SUPT16H: variants seen among roughly 807,000 people sequenced by gnomAD.
The protein encoded by SUPT16H is SPT16 homolog, facilitates chromatin remodeling subunit, also known as FACT complex subunit SPT16.
SUPT16H carries 24 observed loss-of-function variants against 136.2 expected under a neutral mutation model. The observed-to-expected ratio is 0.18, with a 90% CI of 0.13 to 0.25. The LOEUF (loss-of-function observed/expected upper bound fraction) is 0.25, where lower values mean the gene tolerates loss of function less well. SUPT16H is among the 10% of genes least tolerant of loss of function. The pLI, the probability that SUPT16H is intolerant of heterozygous loss-of-function variation, is 1.00. For missense variants in SUPT16H, 623 were observed against 1,270.2 expected (o/e 0.49, Z 7.74); for synonymous variants, 415 against 428.2 (o/e 0.97, Z 0.38).
At chr14:21,372,796 A>G (rs1025540231) in intron 2 of SUPT16H, 1 of 377,116 alleles carries the variant, frequency 2.7e-6, no homozygotes, top group African/African-American at 2.1e-5. Context: ...ATCCATACTG[A>G]TATTAATACT....
At position 21,358,356 on chromosome 14, in the gene SUPT16H, A is replaced by G; in HGVS notation, c.2373T>C (p.Thr791=). Residue 791 remains threonine, a synonymous_variant, in exon 20 of 26, where the codon ACT becomes ACC. Coordinates refer to ENST00000216297, the MANE Select transcript of SUPT16H (RefSeq NM_007192.4). ...KNFIEKVEAL[T]KEELEFEVPF... ...GCACTTCAAATTCCAGTTCCTCCTT[A>G]GTTAGAGCCTCTACTTTCTCAATGA... 1 of 1,613,640 alleles carries G rather than the reference A, an allele frequency of 6.2e-7. No individual in the cohort carries two copies. The highest frequency in any genetic ancestry group is 1.3e-5 in the African/African-American group (1 of 75,028).
At chr14:21,359,084 C>T (rs779822082) in intron 19 of SUPT16H, among the ~76,000 whole-genome samples, 13 of 148,670 alleles carry the variant, frequency 8.7e-5, no homozygotes, top group African/African-American at 2.5e-4. Context: ...GGATTATAGG[C>T]GTGAGCCACT....
intron 18 of SUPT16H, 151 bp downstream of exon 18, chr14:21,360,264 G>C (rs1239937434): frequency 3.6e-6 from 2 of 552,660 alleles, no homozygotes; most frequent in Non-Finnish European, 6.5e-6. Context: ...CCGACCTCAG[G>C]TGATCCACCC....
chr14:21,352,534 A>G lies in SUPT16H; in HGVS notation c.*139T>C. 7.2e-7 allele frequency: 1 copy of G among 1,394,552 alleles called. No individual in the cohort carries two copies. Among genetic ancestry groups the G allele is most frequent in the Non-Finnish European group, 9.8e-7 (1 of 1,025,276 alleles). The allele number at this position is 1,394,552 out of a possible 1,614,324, so 86.4% of individuals were successfully genotyped here. ...GAATTCCCCGAGTAGATTGGTCCAC[A>G]CAAATGGCCCCCTAAACCCATAAAC... On this transcript the variant is annotated 3_prime_UTR_variant, in exon 26 of 26. Coordinates refer to ENST00000216297, the MANE Select transcript of SUPT16H (RefSeq NM_007192.4).
chr14:21,373,331 C>A lies in SUPT16H; in HGVS notation c.159+7G>T. 6.2e-7 allele frequency: 1 copy of A among 1,607,448 alleles called. No homozygotes were observed. The highest frequency in any genetic ancestry group is 8.5e-7 in the Non-Finnish European group (1 of 1,173,972). On this transcript the variant is annotated splice_region_variant and intron_variant, in intron 2 of 25. Coordinates refer to ENST00000216297, the MANE Select transcript of SUPT16H (RefSeq NM_007192.4). Reference sequence around the variant, plus strand: ...CTAAGAGCTAAAAATTGCTGTAAATCTCTCACCTGTAAGGCAGTTGATTTG... The same window carrying A: ...CTAAGAGCTAAAAATTGCTGTAAATATCTCACCTGTAAGGCAGTTGATTTG...
intron 22 of SUPT16H, among the ~76,000 whole-genome samples, chr14:21,355,796 C>G (rs1463053084): frequency 6.6e-6 from 1 of 152,096 alleles, no homozygotes; most frequent in Non-Finnish European, 1.5e-5. Context: ...TAAAAACAAA[C>G]AACCATAAAA....
chr14:21,374,864 C>T (rs1040836246), intron 1 of SUPT16H, among the ~76,000 whole-genome samples: 11 of 152,268 alleles, frequency 7.2e-5, no homozygotes, highest in African/African-American at 2.4e-4. Flanking sequence ...GGTAACTTTT[C>T]GAGGAATCAT....
chr14:21,369,295 G>A lies in SUPT16H; in HGVS notation c.691C>T (p.Leu231Phe). 1 of 1,614,184 alleles carries A rather than the reference G, an allele frequency of 6.2e-7. No homozygotes were observed. The highest frequency in any genetic ancestry group is 8.5e-7 in the Non-Finnish European group (1 of 1,180,014). Residue 231 changes from leucine (L) to phenylalanine (F), a missense_variant, in exon 6 of 26, where the codon CTT becomes TTT. Leu to Phe is a conservative substitution (Grantham distance 22). Coordinates refer to ENST00000216297, the MANE Select transcript of SUPT16H (RefSeq NM_007192.4). ...VEKAIEEKKY[L>F]AGADPSTVEM... ...ACAGTAGAAGGGTCTGCCCCAGCAA[G>A]GTATTTTTTCTCTTCAATGGCCTTT...
chr14:21,381,915 C>T (rs908152913), intron 1 of SUPT16H, among the ~76,000 whole-genome samples: 1 of 151,216 alleles, frequency 6.6e-6, no homozygotes, highest in East Asian at 1.9e-4. Flanking sequence ...TTACCATTAA[C>T]TTCAACTTAT....
In SUPT16H at chr14:21,362,400, A is replaced by C. The variant is rs146221071; in HGVS notation, c.1666-76T>G. 2,111 of 1,452,278 alleles carry C rather than the reference A, an allele frequency of 1.5e-3. 27 individuals are homozygous for C. In the African/African-American group the frequency reaches 0.026, roughly 18 times the overall value. 90.0% of individuals were successfully genotyped at this position (1,452,278 alleles called of 1,614,324 possible). On this transcript the variant is annotated intron_variant, in intron 14 of 25. Transcript: ENST00000216297. ...AGTAGTTACAGAGATGTTAAAATTA[A>C]GTTAGGAGTTACAAATTGACCGCTC...
rs1233550969 is a variant in SUPT16H, at chr14:21,353,795, A to G, written c.2828T>C (p.Ile943Thr). The part of the protein sequence containing the change: ...DAEEGDSESE[I>T]EDETFNPSED... ...TGAAGGATTAAAAGTCTCATCTTCA[A>G]TTTCAGACTCTGAATCCCCTTCTTC... The change falls in exon 24 of 26, where the codon ATT (isoleucine) becomes ACT (threonine). Residue 943 changes from isoleucine (I) to threonine (T), a missense_variant. Around this residue, in one of 7 missense-constraint regions of SUPT16H, gnomAD observed 88 missense variants for 135.5 expected, o/e 0.65. Transcript: ENST00000216297. The G allele has an allele frequency of 6.2e-7, 1 of 1,614,006 alleles. No individual in the cohort carries two copies. Among genetic ancestry groups the G allele is most frequent in the Admixed American group, 1.7e-5 (1 of 59,990 alleles).
intron 25 of SUPT16H, 106 bp downstream of exon 25, chr14:21,353,382 T>C: frequency 2.6e-6 from 3 of 1,149,264 alleles, no homozygotes; most frequent in Non-Finnish European, 2.5e-6. Flanking sequence ...TATAGTGTTC[T>C]TTTGTTACTT....
intron 1 of SUPT16H, among the ~76,000 whole-genome samples, chr14:21,377,871 A>G (rs1886937624): frequency 6.6e-6 from 1 of 152,156 alleles, no homozygotes; most frequent in African/African-American, 2.4e-5. Flanking sequence ...TGATCTGCCC[A>G]CCTCGGCCTC....
chr14:21,382,930 T>C (rs533653993), intron 1 of SUPT16H: 2 of 152,306 alleles, frequency 1.3e-5, no homozygotes, highest in South Asian at 4.1e-4. Context: ...GTTTGAAAGA[T>C]AATTTACAAT....
rs1036638198 is a variant in SUPT16H, at chr14:21,353,537, T to C, written c.2949A>G (p.Glu983=). Residue 983 remains glutamate, a synonymous_variant, in exon 25 of 26, where the codon GAA becomes GAG. Transcript: ENST00000216297. The part of the protein sequence containing the change: ...SDYSKESLGS[E]EESGKDWDEL... ...CATCCCAATCCTTTCCACTCTCTTC[T>C]TCACTACCCAATGACTCCTTAGAAT... The C allele has an allele frequency of 6.2e-6, 10 of 1,614,164 alleles. No homozygotes were observed. The East Asian group carries it at 2.2e-4, about 36-fold the overall frequency.
intron 22 of SUPT16H, among the ~76,000 whole-genome samples, chr14:21,356,436 A>G (rs1022181813): frequency 6.6e-6 from 1 of 152,202 alleles, no homozygotes; most frequent in Non-Finnish European, 1.5e-5. Context: ...ATTGCCTCGT[A>G]GTAAGGCCAA....
intron 22 of SUPT16H, among the ~76,000 whole-genome samples, chr14:21,355,327 A>C (rs2139395236): frequency 6.6e-6 from 1 of 152,092 alleles, no homozygotes; most frequent in African/African-American, 2.4e-5. Flanking sequence ...ACCCCGTCCT[A>C]CTAAAAATAC....
intron 19 of SUPT16H, among the ~76,000 whole-genome samples, 170 bp downstream of exon 19, chr14:21,359,314 C>T (rs776008044): frequency 6.7e-6 from 1 of 150,052 alleles, no homozygotes; most frequent in Non-Finnish European, 1.5e-5. Context: ...AGGCTGGTCT[C>T]GAACTCCTGA....
rs570407782 is a variant in SUPT16H at position 21,370,198 on chromosome 14, A to G, written c.483+138T>C. Reference sequence around the variant, plus strand: ...CAGGGAAAAAAAATAAAACTGGCACACTGCTCAGCCAAAGGGGATAAAATG... The same window carrying G: ...CAGGGAAAAAAAATAAAACTGGCACGCTGCTCAGCCAAAGGGGATAAAATG... On this transcript the variant is annotated intron_variant, in intron 4 of 25. Transcript: ENST00000216297. 4 of 1,215,898 alleles carry G rather than the reference A, an allele frequency of 3.3e-6. No homozygotes were observed. The East Asian group carries it at 7.1e-5, about 22-fold the overall frequency. The allele number at this position is 1,215,898 out of a possible 1,614,324, so 75.3% of individuals were successfully genotyped here.
Sources: gnomAD v4.1 joint callset for allele counts (sites outside exome capture counted in the v4.1 genomes callset) on GRCh38, gnomAD v4.1.1 for gene constraint, gnomAD v4.1.1 regional missense constraint, MANE v1.5 for transcripts, NCBI Gene and HGNC (gene_info 2026-07-23, HGNC 2026-07-21) for gene names.